FANCA: variants seen among roughly 807,000 people sequenced by gnomAD.
FANCA encodes the protein Fanconi anemia group A protein.
FANCA carries 236 observed loss-of-function variants against 194.3 expected under a neutral mutation model. The ratio of observed to expected loss-of-function variants is 1.21; its 90% CI spans 1.09 to 1.35. FANCA has a LOEUF of 1.35. Ranked by LOEUF, FANCA falls within the 40% of genes most tolerant of loss-of-function variation. FANCA has a pLI of 0.00. For missense variants in FANCA, 2,628 were observed against 1,813.9 expected (o/e 1.45, Z -8.15); for synonymous variants, 1,014 against 715.8 (o/e 1.42, Z -6.65).
intron 3 of FANCA, among the ~76,000 whole-genome samples, chr16:89,812,198 G>A (rs1032451269): frequency 6.6e-6 from 1 of 151,688 alleles, no homozygotes; most frequent in Admixed American, 6.6e-5. Flanking sequence ...AATTAGCCAG[G>A]TTTGGTGACG....
At chr16:89,807,827 G>A (rs979619308) in intron 6 of FANCA, among the ~76,000 whole-genome samples, 15 of 152,228 alleles carry the variant, frequency 9.9e-5, no homozygotes, top group African/African-American at 3.4e-4. Context: ...AGCCTGCAGT[G>A]AGCCGACATC....
chr16:89,748,701 A>C lies in FANCA; in HGVS notation c.3306T>G (p.Thr1102=). The change falls in exon 33 of 43, where the codon ACT becomes ACG. Residue 1102 remains threonine (T), a synonymous_variant. Transcript: ENST00000389301. ...GSSFQAEQPI[T]ARCEQFFHLV... Reference sequence around the variant, plus strand: ...AGTGGAAGAACTGCTCGCATCTGGCAGTGATGGGCTGTTCTGCCTGGAAGC... The same window carrying C: ...AGTGGAAGAACTGCTCGCATCTGGCCGTGATGGGCTGTTCTGCCTGGAAGC... 1 of 1,614,168 alleles carries C rather than the reference A, an allele frequency of 6.2e-7. No individual in the cohort carries two copies.
At chr16:89,741,507 GCT>G (rs2062133139) in intron 37 of FANCA, among the ~76,000 whole-genome samples, 1 of 152,180 alleles carries the variant, frequency 6.6e-6, no homozygotes, top group Admixed American at 6.5e-5. Context: ...GCTGCCTCCA[GCT>G]CTCTTGTGGG....
At chr16:89,763,312 A>C (rs1234847435) in intron 28 of FANCA, among the ~76,000 whole-genome samples, 1 of 152,100 alleles carries the variant, frequency 6.6e-6, no homozygotes, top group Non-Finnish European at 1.5e-5. Flanking sequence ...ACAGTGGCTC[A>C]CACTTGCAAT....
Position 89,785,652 on chromosome 16 carries a change from T to C in FANCA, c.1360-688A>G, listed in dbSNP as rs1019208651. On this transcript the variant is annotated intron_variant, in intron 14 of 42. Transcript: ENST00000389301. ...GGGCATGGCCCTGAACGCATCATAG[T>C]GAACCTGCAGACAGAATGTGGGCCT... Among the ~76,000 whole-genome samples the C allele has an allele frequency of 3.9e-5, 6 of 152,086 alleles. No homozygotes were observed. In the South Asian group the frequency reaches 8.3e-4, roughly 21 times the overall value.
chr16:89,741,751 C>A (rs2062138794), intron 37 of FANCA, among the ~76,000 whole-genome samples: 1 of 152,128 alleles, frequency 6.6e-6, no homozygotes, highest in Non-Finnish European at 1.5e-5. Context: ...GCCTCTTGTC[C>A]CCAGCACCCC....
In FANCA at chr16:89,749,710, C is replaced by T; in HGVS notation, c.3239+20G>A. 2 of 1,610,506 alleles carry T rather than the reference C, an allele frequency of 1.2e-6. No homozygotes were observed. Among genetic ancestry groups the T allele is most frequent in the Non-Finnish European group, 1.7e-6 (2 of 1,178,302 alleles). On this transcript the variant is annotated intron_variant, in intron 32 of 42. Transcript: ENST00000389301. The stretch of plus-strand genomic sequence containing the variant: ...CCTGCCCAGGTGGTGCTGCCCTGCC[C>T]AGGTGGTAGTAGGTGTTACCGTTTG...
intron 24 of FANCA, 78 bp from the exon 25 acceptor site, chr16:89,770,337 G>T (rs1171502900): frequency 7.4e-7 from 1 of 1,343,230 alleles, no homozygotes; most frequent in Non-Finnish European, 1.0e-6. Context: ...CCAACCACCA[G>T]CGGCCGAAGA....
intron 11 of FANCA, among the ~76,000 whole-genome samples, chr16:89,793,072 G>A (rs908197258): frequency 1.3e-5 from 2 of 152,208 alleles, no homozygotes; most frequent in African/African-American, 4.8e-5. Context: ...CAGGGAGACG[G>A]TTAGGCCTCC....
chr16:89,758,835 G>A, intron 29 of FANCA, 130 bp from the exon 30 acceptor site: 2 of 1,383,382 alleles, frequency 1.4e-6, no homozygotes, highest in Non-Finnish European at 2.0e-6. Flanking sequence ...TGGCGGCTCG[G>A]GACCTTGGAG....
At chr16:89,785,421 C>G (rs951081015) in intron 14 of FANCA, among the ~76,000 whole-genome samples, 1 of 152,160 alleles carries the variant, frequency 6.6e-6, no homozygotes, top group African/African-American at 2.4e-5. Flanking sequence ...CACACTTTAA[C>G]TTCTAACCTC....
At chr16:89,797,481 T>C (rs527653453) in intron 10 of FANCA, among the ~76,000 whole-genome samples, 2 of 152,348 alleles carry the variant, frequency 1.3e-5, no homozygotes, top group South Asian at 4.1e-4. Context: ...GATTCACTTC[T>C]CAGCCCTGCT....
At chr16:89,739,934 G>C in intron 39 of FANCA, 60 bp downstream of exon 39, 2 of 1,606,014 alleles carry the variant, frequency 1.2e-6, no homozygotes, top group African/African-American at 1.3e-5. Flanking sequence ...TTAACCATTT[G>C]CAAGATGCCT....
chr16:89,737,783 C>G lies in FANCA; in HGVS notation c.*818G>C. ...GAGGTTGGAGCATCAGGGGCCTGGA[C>G]TCACTGGACTCTCCCCTCTCAGAGG... On this transcript the variant is annotated 3_prime_UTR_variant, in exon 43 of 43. Transcript: ENST00000389301. The G allele has an allele frequency of 6.2e-7, 1 of 1,614,076 alleles. No individual in the cohort carries two copies. The highest frequency in any genetic ancestry group is 8.5e-7 in the Non-Finnish European group (1 of 1,180,008).
intron 14 of FANCA, among the ~76,000 whole-genome samples, chr16:89,788,297 C>T (rs1162418558): frequency 6.6e-6 from 1 of 151,854 alleles, no homozygotes; most frequent in Non-Finnish European, 1.5e-5. Flanking sequence ...CCCATCTCTA[C>T]CAAAATTACA....
At position 89,749,892 on chromosome 16, in the gene FANCA, G is replaced by C. The variant is rs545999415; in HGVS notation, c.3077C>G (p.Ala1026Gly). 2 of 1,614,078 alleles carry C rather than the reference G, an allele frequency of 1.2e-6. No individual in the cohort carries two copies. The highest frequency in any genetic ancestry group is 1.7e-6 in the Non-Finnish European group (2 of 1,180,026). The part of the protein sequence containing the change: ...DIISRLQEMV[A>G]DLELQQDLIV... ...GAGGTCTTGCTGCAGCTCCAGGTCA[G>C]CTACCATCTCCTGAAAAAGAGCAGT... Residue 1026 changes from alanine to glycine, a missense_variant, in exon 32 of 43, where the codon GCT becomes GGT. Coordinates refer to ENST00000389301, the MANE Select transcript of FANCA (RefSeq NM_000135.4).
rs549621008 is a variant in FANCA at position 89,753,841 on chromosome 16, G to C, written c.2982-1619C>G. Among the ~76,000 whole-genome samples the C allele has an allele frequency of 2.0e-5, 3 of 152,210 alleles. No homozygotes were observed. In the South Asian group the frequency reaches 6.2e-4, roughly 32 times the overall value. On this transcript the variant is annotated intron_variant, in intron 30 of 42. Coordinates refer to ENST00000389301, the MANE Select transcript of FANCA (RefSeq NM_000135.4). ...AGGCCGAGGCAGGCAGATCATCTGA[G>C]GTCAGGAGATCGAGACCATCCTGGC...
chr16:89,771,832 A>G lies in FANCA; in HGVS notation c.2015-18T>C. On this transcript the variant is annotated intron_variant, in intron 22 of 42. Coordinates refer to ENST00000389301, the MANE Select transcript of FANCA (RefSeq NM_000135.4). ...CGATATAACTGCGAAGGAAGAAACT[A>G]GTTAGGGATGACAAGAACCCCGAAA... is the stretch of plus-strand genomic sequence containing the variant. The G allele has an allele frequency of 6.2e-7, 1 of 1,613,268 alleles. No homozygotes were observed. Among genetic ancestry groups the G allele is most frequent in the Non-Finnish European group, 8.5e-7 (1 of 1,179,996 alleles).
chr16:89,788,364 A>G (rs1207902096), intron 14 of FANCA, among the ~76,000 whole-genome samples: 1 of 152,038 alleles, frequency 6.6e-6, no homozygotes, highest in East Asian at 1.9e-4. Flanking sequence ...AGGAGGCTGA[A>G]ACAGGAGAAT....
Sources: allele counts gnomAD v4.1 joint callset (sites outside exome capture counted in the v4.1 genomes callset), GRCh38; gene constraint gnomAD v4.1.1; transcripts MANE v1.5; gene names NCBI Gene and HGNC (gene_info 2026-07-23, HGNC 2026-07-21).